Variants in ROBO2 observed in about 807,000 individuals in gnomAD.
ROBO2 encodes the protein roundabout guidance receptor 2.
A neutral mutation model predicts 160.8 loss-of-function variants in ROBO2; 53 were observed. That is an observed-to-expected ratio of 0.33 (90% confidence interval 0.26 to 0.41). ROBO2 has a LOEUF of 0.41. Among genes scored for constraint, ROBO2 ranks in the 10% least tolerant of loss-of-function variants. The pLI, the probability that ROBO2 is intolerant of heterozygous loss-of-function variation, is 1.00. For synonymous variants in ROBO2, 664 were observed against 611.7 expected (o/e 1.09, Z -1.26); for missense variants, 1,577 against 1,722.4 (o/e 0.92, Z 1.49).
At chr3:76,579,601 T>C (rs1476919356) in intron 2 of ROBO2, among the ~76,000 whole-genome samples, 1 of 152,014 alleles carries the variant, frequency 6.6e-6, no homozygotes, top group East Asian at 1.9e-4. Flanking sequence ...ATCTTAATTA[T>C]TTCAAAAATC....
intron 2 of ROBO2, among the ~76,000 whole-genome samples, chr3:76,568,177 A>G (rs1430907580): frequency 2.0e-5 from 3 of 151,984 alleles, no homozygotes; most frequent in Non-Finnish European, 2.9e-5. Context: ...TACTAGTACA[A>G]TTTCTTGCTA....
chr3:76,855,032 G>C (rs1009027540), intron 2 of ROBO2, among the ~76,000 whole-genome samples: 1 of 152,190 alleles, frequency 6.6e-6, no homozygotes, highest in African/African-American at 2.4e-5. Flanking sequence ...TGTTTTTGTA[G>C]CATTCCAACC....
intron 2 of ROBO2, among the ~76,000 whole-genome samples, chr3:76,627,580 A>G (rs2089738277): frequency 6.6e-6 from 1 of 152,258 alleles, no homozygotes. Context: ...CTGTTAATAC[A>G]TAGCTAAGAA....
chr3:76,955,467 A>G (rs2149202279), intron 2 of ROBO2, among the ~76,000 whole-genome samples: 1 of 152,252 alleles, frequency 6.6e-6, no homozygotes, highest in African/African-American at 2.4e-5. Flanking sequence ...ATACCATTTT[A>G]CATTCTCACG....
At chr3:77,536,149 G>A (rs766859309) in intron 6 of ROBO2, among the ~76,000 whole-genome samples, 22 of 152,038 alleles carry the variant, frequency 1.4e-4, no homozygotes, top group South Asian at 8.3e-4. Context: ...GTTCATAGTC[G>A]AACTATATTA....
intron 2 of ROBO2, among the ~76,000 whole-genome samples, chr3:77,457,137 T>C (rs2081741107): frequency 6.6e-6 from 1 of 152,144 alleles, no homozygotes; most frequent in African/African-American, 2.4e-5. Context: ...CTTGATAACA[T>C]TCTCTAGGAA....
intron 14 of ROBO2, among the ~76,000 whole-genome samples, chr3:77,576,179 A>G (rs548317121): frequency 6.6e-6 from 1 of 152,246 alleles, no homozygotes; most frequent in African/African-American, 2.4e-5. Flanking sequence ...TTTATTCATC[A>G]TGCCATATTT....
chr3:77,150,698 G>A (rs992976105), intron 2 of ROBO2, among the ~76,000 whole-genome samples: 5 of 151,062 alleles, frequency 3.3e-5, no homozygotes, highest in African/African-American at 1.2e-4. Flanking sequence ...TTTCAAATTT[G>A]CCTACATGAA....
chr3:77,508,014 C>T (rs2088820435), intron 5 of ROBO2, among the ~76,000 whole-genome samples: 1 of 151,802 alleles, frequency 6.6e-6, no homozygotes, highest in Non-Finnish European at 1.5e-5. Flanking sequence ...ATGAAATACT[C>T]CTTTCTGATC....
At chr3:76,725,029 C>A (rs967593447) in intron 2 of ROBO2, among the ~76,000 whole-genome samples, 2 of 152,132 alleles carry the variant, frequency 1.3e-5, no homozygotes, top group South Asian at 4.1e-4. Flanking sequence ...GGGAACATAT[C>A]CCTGCTGACA....
At chr3:76,882,842 T>C (rs1398745445) in intron 2 of ROBO2, among the ~76,000 whole-genome samples, 1 of 152,208 alleles carries the variant, frequency 6.6e-6, no homozygotes, top group Non-Finnish European at 1.5e-5. Flanking sequence ...GCATAGAAGC[T>C]TTAAGCTACT....
chr3:76,310,655 A>G (rs1010643596), intron 2 of ROBO2, among the ~76,000 whole-genome samples: 10 of 152,248 alleles, frequency 6.6e-5, no homozygotes, highest in African/African-American at 2.4e-5. Context: ...TTCCTCTGCT[A>G]CATTGCCTGA....
chr3:76,606,893 A>G (rs1306508515), intron 2 of ROBO2, among the ~76,000 whole-genome samples: 1 of 152,092 alleles, frequency 6.6e-6, no homozygotes, highest in Non-Finnish European at 1.5e-5. Flanking sequence ...TATGGTGTGT[A>G]TTTTGAGTTC....
intron 2 of ROBO2, among the ~76,000 whole-genome samples, chr3:76,274,836 C>CAAA (rs76078360): frequency 7.6e-5 from 6 of 79,366 alleles, no homozygotes; most frequent in African/African-American, 2.6e-4. Context: ...GACTCCTTTT[C>CAAA]AAAAAAAAAA....
intron 2 of ROBO2, among the ~76,000 whole-genome samples, chr3:76,804,215 C>T (rs2064485920): frequency 6.6e-6 from 1 of 152,182 alleles, no homozygotes; most frequent in Admixed American, 6.5e-5. Context: ...CAGTGGTGGG[C>T]TAGTGGGTTA....
intron 2 of ROBO2, among the ~76,000 whole-genome samples, chr3:76,476,765 T>G (rs2078952111): frequency 6.6e-6 from 1 of 152,064 alleles, no homozygotes; most frequent in South Asian, 2.1e-4. Flanking sequence ...ACCAGATGTA[T>G]CAAACAGCCA....
chr3:76,697,680 T>C (rs1291570585), intron 2 of ROBO2, among the ~76,000 whole-genome samples: 1 of 129,902 alleles, frequency 7.7e-6, no homozygotes, highest in African/African-American at 2.6e-5. Flanking sequence ...TAGTAGAAAA[T>C]GAAAATATTA....
At chr3:77,127,068 T>A (rs1480303638) in intron 2 of ROBO2, among the ~76,000 whole-genome samples, 1 of 151,884 alleles carries the variant, frequency 6.6e-6, no homozygotes, top group Non-Finnish European at 1.5e-5. Flanking sequence ...GGATTACAGG[T>A]GTGAGCCACC....
At chr3:76,237,359 A>G (rs1442309099) in intron 2 of ROBO2, among the ~76,000 whole-genome samples, 1 of 152,244 alleles carries the variant, frequency 6.6e-6, no homozygotes, top group Non-Finnish European at 1.5e-5. Flanking sequence ...TTGTCTAAAC[A>G]TTATGTTTAA....
Sources: allele counts gnomAD v4.1 joint callset (sites outside exome capture counted in the v4.1 genomes callset), GRCh38; gene constraint gnomAD v4.1.1; transcripts MANE v1.5; gene names NCBI Gene and HGNC (gene_info 2026-07-23, HGNC 2026-07-21).